Variants in CADPS observed in about 807,000 individuals in gnomAD.
The protein encoded by CADPS is calcium-dependent secretion activator 1.
A neutral mutation model predicts 167.3 loss-of-function variants in CADPS; 57 were observed. That is an observed-to-expected ratio of 0.34 (90% CI 0.28 to 0.42). The LOEUF (loss-of-function observed/expected upper bound fraction) is 0.42, where lower values mean the gene tolerates loss of function less well. CADPS is among the 20% of genes least tolerant of loss of function. The probability of loss-of-function intolerance (pLI) is 1.00; values close to 1 mark genes in which losing one functional copy is unlikely to be tolerated. For missense variants in CADPS, 1,414 were observed against 1,738.1 expected, an observed-to-expected ratio of 0.81 and a Z score of 3.32; for synonymous variants, 676 against 635.3, an observed-to-expected ratio of 1.06 and a Z score of -0.96.
chr3:62,489,839 T>G (rs778647780), intron 21 of CADPS, among the ~76,000 whole-genome samples: 1 of 152,176 alleles, frequency 6.6e-6, no homozygotes, highest in Non-Finnish European at 1.5e-5. Context: ...GTATTGAACA[T>G]TGAAAAAAAA....
chr3:62,720,361 A>C (rs11713888), intron 3 of CADPS, among the ~76,000 whole-genome samples: 11,826 of 150,340 alleles, frequency 0.079, 618 homozygotes, highest in Non-Finnish European at 0.12. Flanking sequence ...GAAACACGGT[A>C]TCGCTCTGTC....
At chr3:62,484,984 T>C (rs563221270) in intron 21 of CADPS, among the ~76,000 whole-genome samples, 29 of 152,278 alleles carry the variant, frequency 1.9e-4, no homozygotes, top group African/African-American at 6.7e-4. Context: ...AGGGGCATTC[T>C]CTAATATCTT....
intron 26 of CADPS, among the ~76,000 whole-genome samples, chr3:62,460,136 C>T (rs547504368): frequency 2.6e-5 from 4 of 152,180 alleles, no homozygotes; most frequent in Non-Finnish European, 5.9e-5. Flanking sequence ...TGACAAATCA[C>T]TCACCATCAC....
At chr3:62,691,805 G>A (rs1248301046) in intron 3 of CADPS, among the ~76,000 whole-genome samples, 2 of 151,986 alleles carry the variant, frequency 1.3e-5, no homozygotes, top group Non-Finnish European at 2.9e-5. Flanking sequence ...AAGAGTACCA[G>A]AAAGAATAGC....
At chr3:62,566,634 G>C (rs143358350) in intron 9 of CADPS, among the ~76,000 whole-genome samples, 10 of 152,238 alleles carry the variant, frequency 6.6e-5, no homozygotes, top group African/African-American at 2.2e-4. Flanking sequence ...GTATTTTCTG[G>C]GTATGCCAGC....
intron 3 of CADPS, among the ~76,000 whole-genome samples, chr3:62,696,239 A>C (rs1487617560): frequency 6.6e-6 from 1 of 152,068 alleles, no homozygotes; most frequent in African/African-American, 2.4e-5. Flanking sequence ...TCTGCCAATT[A>C]GTGATGCTAT....
At chr3:62,698,834 G>T (rs2080868900) in intron 3 of CADPS, among the ~76,000 whole-genome samples, 1 of 142,154 alleles carries the variant, frequency 7.0e-6, no homozygotes, top group South Asian at 2.3e-4. Flanking sequence ...TGGCCTTCTG[G>T]GCTCAAGCAA....
chr3:62,788,729 T>G (rs972672057), intron 1 of CADPS, among the ~76,000 whole-genome samples: 3 of 152,196 alleles, frequency 2.0e-5, no homozygotes, highest in African/African-American at 7.2e-5. Context: ...TTGAATAAAC[T>G]GCTGTCTTGC....
rs139268986 is a variant in CADPS, at chr3:62,601,044, C to T, written c.1326-8296G>A. ...TGGATATGTGGTGTTTACCTCAATA[C>T]GTGGCACATAGAAAGCACTAAAAAA... On this transcript the variant is annotated intron_variant, in intron 6 of 29. Transcript: ENST00000383710. This position sits in a 1 kb window ranked among gnomAD's most constrained non-coding sequence, Gnocchi z 4.3. 3.5e-4 allele frequency among the ~76,000 whole-genome samples: 53 copies of T among 152,140 alleles called. No individual in the cohort carries two copies. In the South Asian group the frequency reaches 4.0e-3, roughly 11 times the overall value.
In CADPS at chr3:62,465,531, T is replaced by C; in HGVS notation, c.3553-81A>G. On this transcript the variant is annotated intron_variant, in intron 25 of 29. Transcript: ENST00000383710. The surrounding 1 kb of genome is among the most constrained non-coding windows in gnomAD (Gnocchi z 4.1). ...TAAAGCACATCATTTCCCCACCACA[T>C]AAAGGCTGGGATCGAGCCCTCCGTT... The C allele has an allele frequency of 5.2e-6, 5 of 967,470 alleles. No individual in the cohort carries two copies. The South Asian group carries it at 6.8e-5, about 13-fold the overall frequency. The allele number at this position is 967,470 out of a possible 1,614,324, so 59.9% of individuals were successfully genotyped here.
chr3:62,517,994 G>A (rs904786381), intron 14 of CADPS, among the ~76,000 whole-genome samples, 155 bp downstream of exon 14: 6 of 152,116 alleles, frequency 3.9e-5, no homozygotes, highest in Admixed American at 1.3e-4. Flanking sequence ...TGGTTATTGC[G>A]GAACCATATC....
At chr3:62,739,373 AC>A (rs2079692948) in intron 3 of CADPS, among the ~76,000 whole-genome samples, 1 of 152,156 alleles carries the variant, frequency 6.6e-6, no homozygotes, top group Non-Finnish European at 1.5e-5. Flanking sequence ...CATAAGAACT[AC>A]CCAGCTCATG....
At chr3:62,642,083 T>C (rs78639069) in intron 6 of CADPS, among the ~76,000 whole-genome samples, 10,551 of 148,050 alleles carry the variant, frequency 0.071, 525 homozygotes, top group Admixed American at 0.15. Context: ...GGTTATGTTA[T>C]GTACTCCTAA....
chr3:62,825,388 TG>T lies in CADPS; in HGVS notation c.441+49200del, dbSNP rs369292698. Among the ~76,000 whole-genome samples the T allele has an allele frequency of 2.6e-3, 394 of 152,238 alleles. 2 individuals are homozygous for T. The highest frequency in any genetic ancestry group is 8.6e-3 in the African/African-American group (356 of 41,560). On this transcript the variant is annotated intron_variant, in intron 1 of 29. Coordinates refer to ENST00000383710, the MANE Select transcript of CADPS (RefSeq NM_003716.4). The stretch of plus-strand genomic sequence containing the variant: ...AAACCAGCAGCTACAATGCAGCACC[TG>T]GGAGCTTGTCAGAAAGGCAAATGAT...
chr3:62,738,563 A>G (rs548058234), intron 3 of CADPS, among the ~76,000 whole-genome samples: 1 of 151,998 alleles, frequency 6.6e-6, no homozygotes, highest in Non-Finnish European at 1.5e-5. Flanking sequence ...GTCTCTACTA[A>G]AAGTACAAAA....
intron 3 of CADPS, among the ~76,000 whole-genome samples, chr3:62,725,081 C>A (rs1414009275): frequency 6.6e-6 from 1 of 152,220 alleles, no homozygotes; most frequent in Non-Finnish European, 1.5e-5. Context: ...CTTTCCCATA[C>A]TTCTGGACTA....
At chr3:62,747,851 A>G (rs1433528365) in intron 3 of CADPS, among the ~76,000 whole-genome samples, 2 of 152,148 alleles carry the variant, frequency 1.3e-5, no homozygotes, top group Non-Finnish European at 2.9e-5. Context: ...GTTTAGAGTC[A>G]TGCTGCACTT....
At position 62,808,192 on chromosome 3, in the gene CADPS, C is replaced by T. The variant is rs139012648; in HGVS notation, c.442-42208G>A. The stretch of plus-strand genomic sequence containing the variant: ...CCAGCCTCAATTTGATATTTCTAAA[C>T]GCTGAATGTTTCTAAATGGAATGAA... On this transcript the variant is annotated intron_variant, in intron 1 of 29. Transcript: ENST00000383710. Among the ~76,000 whole-genome samples the T allele has an allele frequency of 3.1e-3, 468 of 151,898 alleles. 3 individuals are homozygous for T. The highest frequency in any genetic ancestry group is 0.01 in the African/African-American group (432 of 41,438).
intron 11 of CADPS, among the ~76,000 whole-genome samples, chr3:62,542,903 T>C (rs1467778796): frequency 6.6e-6 from 1 of 152,210 alleles, no homozygotes; most frequent in Non-Finnish European, 1.5e-5. Flanking sequence ...TGTAGTTATA[T>C]TAACTTACAG....
Sources: gnomAD v4.1 joint callset for allele counts (sites outside exome capture counted in the v4.1 genomes callset) on GRCh38, gnomAD v4.1.1 for gene constraint, Gnocchi (gnomAD v3.1) non-coding constraint, MANE v1.5 for transcripts, NCBI Gene and HGNC (gene_info 2026-07-23, HGNC 2026-07-21) for gene names.